Variants in CEP152 observed in about 807,000 individuals in gnomAD.
CEP152 encodes centrosomal protein 152, also known as centrosomal protein of 152 kDa.
A neutral mutation model predicts 188.9 loss-of-function variants in CEP152; 132 were observed. The observed-to-expected ratio is 0.70, with a 90% CI of 0.61 to 0.81. CEP152 has a LOEUF of 0.81. CEP152 is among the 30% of genes least tolerant of loss of function. The pLI, the probability that CEP152 is intolerant of heterozygous loss-of-function variation, is 0.00. For synonymous variants in CEP152, 649 were observed against 666.6 expected (o/e 0.97, Z 0.41); for missense variants, 1,914 against 1,969.8 (o/e 0.97, Z 0.54).
At position 48,746,247 on chromosome 15, in the gene CEP152, T is replaced by G. The variant is rs571803604; in HGVS notation, c.3635-1255A>C. Among the ~76,000 whole-genome samples the G allele has an allele frequency of 3.9e-5, 6 of 152,320 alleles. No homozygotes were observed. The East Asian group carries it at 1.2e-3, about 29-fold the overall frequency. On this transcript the variant is annotated intron_variant, in intron 22 of 26. Coordinates refer to ENST00000380950, the MANE Select transcript of CEP152 (RefSeq NM_001194998.2). ...TCAACTCATTGTTTTGAGTGATATATCAACTTTCTTCGATTATTTGCAAGT... is the reference window on the plus strand; with the variant it reads ...TCAACTCATTGTTTTGAGTGATATAGCAACTTTCTTCGATTATTTGCAAGT...
Position 48,745,002 on chromosome 15 carries a change from A to G in CEP152, c.3635-10T>C. The G allele has an allele frequency of 1.3e-6, 2 of 1,581,298 alleles. No individual in the cohort carries two copies. Among genetic ancestry groups the G allele is most frequent in the African/African-American group, 1.4e-5 (1 of 73,622 alleles). Reference sequence around the variant, plus strand: ...ACTTTATTATTCTCTTCTATAACAGAAAGTTTATAGTATATTAGACAGTTA... The same window carrying G: ...ACTTTATTATTCTCTTCTATAACAGGAAGTTTATAGTATATTAGACAGTTA... On this transcript the variant is annotated splice_polypyrimidine_tract_variant and intron_variant, in intron 22 of 26. Coordinates refer to ENST00000380950, the MANE Select transcript of CEP152 (RefSeq NM_001194998.2).
rs1352052042 is a variant in CEP152, at chr15:48,784,703, G to A, written c.1174-583C>T. The stretch of plus-strand genomic sequence containing the variant: ...TTTAGATGTCTTATTTCTCTTAATA[G>A]CCCCCTTGAAGGTGCTTCTGCAGTG... On this transcript the variant is annotated intron_variant, in intron 9 of 26. Transcript: ENST00000380950. Among the ~76,000 whole-genome samples the A allele has an allele frequency of 2.6e-5, 4 of 151,906 alleles. 1 individual carries two copies. Among genetic ancestry groups the A allele is most frequent in the Non-Finnish European group, 4.4e-5 (3 of 67,994 alleles).
At chr15:48,753,236 C>G (rs1595609421) in intron 20 of CEP152, among the ~76,000 whole-genome samples, 1 of 152,170 alleles carries the variant, frequency 6.6e-6, no homozygotes, top group Non-Finnish European at 1.5e-5. Context: ...CCTCCCAGTT[C>G]AAGCGATTCT....
chr15:48,732,145 A>C (rs1293947601), intron 2 of CEP152, among the ~76,000 whole-genome samples: 1 of 152,166 alleles, frequency 6.6e-6, no homozygotes, highest in Non-Finnish European at 1.5e-5. Context: ...AGGATCTGGA[A>C]ACAGAAATAC....
intron 1 of CEP152, among the ~76,000 whole-genome samples, chr15:48,807,858 TA>T (rs1898084174): frequency 6.6e-6 from 1 of 152,166 alleles, no homozygotes; most frequent in Admixed American, 6.5e-5. Flanking sequence ...ATATTTTAAA[TA>T]GACAGCTACT....
Position 48,748,513 on chromosome 15 carries a change from T to C in CEP152, c.3564A>G (p.Lys1188=). The part of the protein sequence containing the change: ...AKQECQDLKG[K]LEKCCRHLQH... ...GAAGATGCCTACAGCATTTCTCCAG[T>C]TTTCCTTTCAGATCTTGACATTCCT... is the stretch of plus-strand genomic sequence containing the variant. The change falls in exon 22 of 27, where the codon AAA becomes AAG. Residue 1188 remains lysine, a synonymous_variant. Coordinates refer to ENST00000380950, the MANE Select transcript of CEP152 (RefSeq NM_001194998.2). 1 of 1,535,152 alleles carries C rather than the reference T, an allele frequency of 6.5e-7. No homozygotes were observed. Among genetic ancestry groups the C allele is most frequent in the Non-Finnish European group, 8.7e-7 (1 of 1,146,372 alleles).
At chr15:48,765,371 A>T (rs942479813) in intron 17 of CEP152, among the ~76,000 whole-genome samples, 4 of 152,056 alleles carry the variant, frequency 2.6e-5, no homozygotes, top group African/African-American at 9.7e-5. Context: ...ATTTTTTTTT[A>T]ATTATACTTT....
At chr15:48,734,753 T>A (rs892576204), downstream of CEP152, among the ~76,000 whole-genome samples, 1 of 152,068 alleles carries the variant, frequency 6.6e-6, no homozygotes, top group Non-Finnish European at 1.5e-5. Flanking sequence ...AATGGACTTT[T>A]AAAACAAGAA....
Position 48,744,946 on chromosome 15 carries a change from G to A in CEP152, c.3681C>T (p.Asp1227=). 6.2e-7 allele frequency: 1 copy of A among 1,610,668 alleles called. No homozygotes were observed. Among genetic ancestry groups the A allele is most frequent in the Non-Finnish European group, 8.5e-7 (1 of 1,178,866 alleles). The change falls in exon 23 of 27, where the codon GAC becomes GAT. Residue 1227 remains aspartate (D), a synonymous_variant. Transcript: ENST00000380950. ...VVEELIEENN[D]MKNKLEELQT... is the part of the protein sequence containing the mutation. ...GCAATTCTTCCAATTTATTCTTCATGTCGTTGTTTTCTTCTATTAATTCTT... is the reference window on the plus strand; with the variant it reads ...GCAATTCTTCCAATTTATTCTTCATATCGTTGTTTTCTTCTATTAATTCTT...
Position 48,797,548 on chromosome 15 carries a change from C to A in CEP152, c.293G>T (p.Gly98Val), listed in dbSNP as rs760255053. The stretch of plus-strand genomic sequence containing the variant: ...TTCCCAGACATTACCACATTTTTCT[C>A]CAGCATATAAACTCTGAATTTCATT... ...GYNEIQSLYAGEKCGNVWEEN... is the reference protein window; with the variant it reads ...GYNEIQSLYAVEKCGNVWEEN... Residue 98 changes from glycine to valine, a missense_variant, in exon 5 of 27, where the codon GGA (glycine) becomes GTA (valine). Coordinates refer to ENST00000380950, the MANE Select transcript of CEP152 (RefSeq NM_001194998.2). The A allele has an allele frequency of 6.2e-7, 1 of 1,614,088 alleles. No homozygotes were observed. Among genetic ancestry groups the A allele is most frequent in the South Asian group, 1.1e-5 (1 of 91,078 alleles).
intron 2 of CEP152, among the ~76,000 whole-genome samples, chr15:48,801,622 A>G (rs1279147684): frequency 2.6e-5 from 4 of 152,230 alleles, no homozygotes; most frequent in South Asian, 2.1e-4. Context: ...ATATACACAC[A>G]TAAATAGATA....
chr15:48,730,165 C>T (rs897535581), intron 2 of CEP152, among the ~76,000 whole-genome samples: 1 of 152,184 alleles, frequency 6.6e-6, no homozygotes, highest in Non-Finnish European at 1.5e-5. Flanking sequence ...TTCCGCTCCC[C>T]AGCTTGATCA....
intron 12 of CEP152, among the ~76,000 whole-genome samples, chr15:48,774,470 C>T (rs1352406990): frequency 2.0e-5 from 3 of 151,996 alleles, no homozygotes; most frequent in Non-Finnish European, 2.9e-5. Flanking sequence ...GGAAGACTCC[C>T]GGAGAGAAAA....
chr15:48,792,347 A>G (rs1249473674), intron 7 of CEP152, among the ~76,000 whole-genome samples: 2 of 152,212 alleles, frequency 1.3e-5, no homozygotes, highest in Non-Finnish European at 2.9e-5. Context: ...ATACTTTGCT[A>G]TAACAGCTCA....
chr15:48,733,726 CT>C (rs1892501787), downstream of CEP152, among the ~76,000 whole-genome samples: 1 of 152,122 alleles, frequency 6.6e-6, no homozygotes, highest in South Asian at 2.1e-4. Context: ...CATGCTCAGA[CT>C]GTTGAAAGCC....
Position 48,756,211 on chromosome 15 carries a change from C to A in CEP152, c.3037G>T (p.Glu1013Ter), listed in dbSNP as rs1595615241. The A allele has an allele frequency of 1.9e-6, 3 of 1,613,272 alleles. No individual in the cohort carries two copies. Among genetic ancestry groups the A allele is most frequent in the Non-Finnish European group, 8.5e-7 (1 of 1,179,506 alleles). ...KQKTELLLQK[E>*]TELQTCLDQS... The stretch of plus-strand genomic sequence containing the variant: ...TCTAGACAAGTTTGTAATTCTGTCT[C>A]CTTCTGAAGAAGTAGTTCAGTTTTT... Residue 1013 changes from glutamate to a stop codon, truncating the protein, a stop_gained, in exon 20 of 27, where the codon GAG becomes TAG. Transcript: ENST00000380950. LOFTEE classifies it high-confidence loss of function.
In CEP152 at chr15:48,781,328, G is replaced by T. The variant is rs373522788; in HGVS notation, c.1445C>A (p.Ser482Tyr). ...TAGTTTTGCAGCAGATTCATAGAGA[G>T]AAATTTCATCTTTTAGTTCTGTTAA... ...EELTELKDEI[S>Y]LYESAAKLGI... Residue 482 changes from serine to tyrosine, a missense_variant, in exon 12 of 27, where the codon TCT becomes TAT. Ser to Tyr is a moderately radical substitution (Grantham distance 144). Transcript: ENST00000380950. 16 of 1,610,362 alleles carry T rather than the reference G, an allele frequency of 9.9e-6. No individual in the cohort carries two copies. In the African/African-American group the frequency reaches 2.0e-4, roughly 20 times the overall value.
intron 15 of CEP152, 129 bp from the exon 16 acceptor site, chr15:48,767,592 C>G: frequency 8.1e-7 from 1 of 1,231,692 alleles, no homozygotes; most frequent in Non-Finnish European, 1.2e-6. Flanking sequence ...TAACTTTTCC[C>G]CAACTGAAAG....
At position 48,762,529 on chromosome 15, in the gene CEP152, C is replaced by T. The variant is rs1438680381; in HGVS notation, c.2424G>A (p.Glu808=). ...TCTGCTCTTCTATCATAATTGCCAT[C>T]TCTTTCTTGGAAATAACATCACTGG... ...VTTSDVISKK[E]MAIMIEEQKC... is the part of the protein sequence containing the mutation. Residue 808 remains glutamate (E), a synonymous_variant, in exon 18 of 27, where the codon GAG becomes GAA. Transcript: ENST00000380950. The T allele has an allele frequency of 6.2e-7, 1 of 1,613,934 alleles. No homozygotes were observed. The highest frequency in any genetic ancestry group is 1.3e-5 in the African/African-American group (1 of 74,920).
Sources: gnomAD v4.1 joint callset for allele counts (sites outside exome capture counted in the v4.1 genomes callset) on GRCh38, gnomAD v4.1.1 for gene constraint, MANE v1.5 for transcripts, NCBI Gene and HGNC (gene_info 2026-07-23, HGNC 2026-07-21) for gene names.